The following KCNK10 variants were observed in gnomAD, a reference collection of about 807,000 sequenced individuals.
KCNK10 encodes the protein potassium two pore domain channel subfamily K member 10, also known as potassium channel subfamily K member 10.
A neutral mutation model predicts 47.7 loss-of-function variants in KCNK10; 25 were observed. That is an observed-to-expected ratio of 0.52 (90% confidence interval 0.38 to 0.73). The LOEUF (loss-of-function observed/expected upper bound fraction) is 0.73, where lower values mean the gene tolerates loss of function less well. Among genes scored for constraint, KCNK10 ranks in the 30% least tolerant of loss-of-function variants. The pLI, the probability that KCNK10 is intolerant of heterozygous loss-of-function variation, is 0.00. For missense variants in KCNK10, 563 were observed against 714.5 expected, an observed-to-expected ratio of 0.79 and a Z score of 2.42; for synonymous variants, 303 against 285.6, an observed-to-expected ratio of 1.06 and a Z score of -0.61.
At chr14:88,199,353 C>G (rs532979743) in intron 4 of KCNK10, among the ~76,000 whole-genome samples, 4 of 152,230 alleles carry the variant, frequency 2.6e-5, no homozygotes, top group African/African-American at 9.6e-5. Context: ...TGAATGTTCA[C>G]CCGGAAGGAA....
intron 1 of KCNK10, among the ~76,000 whole-genome samples, chr14:88,276,417 G>T (rs139455144): frequency 2.6e-5 from 4 of 152,146 alleles, no homozygotes; most frequent in African/African-American, 7.2e-5. Context: ...AATTTCTGTT[G>T]TGCAAAAGCT....
At position 88,322,736 on chromosome 14, in the gene KCNK10, G is replaced by A; in HGVS notation, c.52+11C>T. ...GCAGGGCGAGGGCAGCCAAAAGTAG[G>A]AAACACCCACCTTTAGGATCCCAGT... On this transcript the variant is annotated intron_variant, in intron 1 of 6. Coordinates refer to ENST00000319231, the MANE Select transcript of KCNK10 (RefSeq NM_138317.3). This position sits in a 1 kb window ranked among gnomAD's most constrained non-coding sequence, Gnocchi z 4.8. 1 of 1,614,064 alleles carries A rather than the reference G, an allele frequency of 6.2e-7. No individual in the cohort carries two copies. Among genetic ancestry groups the A allele is most frequent in the Non-Finnish European group, 8.5e-7 (1 of 1,180,006 alleles).
intron 1 of KCNK10, among the ~76,000 whole-genome samples, chr14:88,282,918 A>G (rs183577462): frequency 2.6e-5 from 4 of 152,354 alleles, no homozygotes; most frequent in Admixed American, 2.6e-4. Flanking sequence ...TCACAGTCGC[A>G]TAGTGCACAA....
chr14:88,317,568 C>T (rs904635989), intron 1 of KCNK10, among the ~76,000 whole-genome samples: 3 of 152,170 alleles, frequency 2.0e-5, no homozygotes, highest in Admixed American at 2.0e-4. Context: ...TGAACAAAGT[C>T]GCTGGGAGGA....
intron 4 of KCNK10, among the ~76,000 whole-genome samples, chr14:88,219,257 G>A (rs900704280): frequency 2.6e-5 from 4 of 152,152 alleles, no homozygotes; most frequent in Non-Finnish European, 5.9e-5. Context: ...ATACCAGTGC[G>A]CAACAATTTT....
intron 1 of KCNK10, among the ~76,000 whole-genome samples, chr14:88,315,928 G>A (rs1443762282): frequency 6.6e-6 from 1 of 152,098 alleles, no homozygotes; most frequent in Non-Finnish European, 1.5e-5. Context: ...AGGAATGAAG[G>A]AAAAGTTCCC....
intron 1 of KCNK10, among the ~76,000 whole-genome samples, chr14:88,272,076 C>CCCT (rs146245436): frequency 1.3e-5 from 2 of 152,252 alleles, no homozygotes; most frequent in Admixed American, 6.5e-5. Flanking sequence ...GATGGCCCCA[C>CCCT]CCTCCACAGG....
chr14:88,249,936 T>C (rs1469771432), intron 2 of KCNK10, among the ~76,000 whole-genome samples: 1 of 152,124 alleles, frequency 6.6e-6, no homozygotes, highest in Admixed American at 6.5e-5. Flanking sequence ...ATTAGTTATA[T>C]AAATGAATAC....
chr14:88,200,592 C>A (rs990962996), intron 4 of KCNK10, among the ~76,000 whole-genome samples: 1 of 152,280 alleles, frequency 6.6e-6, no homozygotes, highest in Admixed American at 6.5e-5. Context: ...CAGAAATAAA[C>A]CCTACACTGG....
intron 1 of KCNK10, among the ~76,000 whole-genome samples, chr14:88,316,298 T>G (rs1888429189): frequency 1.3e-5 from 2 of 152,024 alleles, no homozygotes; most frequent in South Asian, 4.1e-4. Context: ...TTCAGAGTAC[T>G]CAGTCCTAGA....
At chr14:88,250,757 G>A (rs1886770715) in intron 2 of KCNK10, among the ~76,000 whole-genome samples, 1 of 152,182 alleles carries the variant, frequency 6.6e-6, no homozygotes, top group Non-Finnish European at 1.5e-5. Context: ...TGGGTGTGGT[G>A]GCACACCCCT....
At chr14:88,274,475 T>C (rs1887480990) in intron 1 of KCNK10, among the ~76,000 whole-genome samples, 1 of 141,454 alleles carries the variant, frequency 7.1e-6, no homozygotes, top group Non-Finnish European at 1.5e-5. Flanking sequence ...GCAGGAGAAT[T>C]GGGAGGAGGA....
intron 1 of KCNK10, among the ~76,000 whole-genome samples, chr14:88,279,398 T>TGTGTGG (rs1297289686): frequency 2.0e-5 from 3 of 151,388 alleles, no homozygotes; most frequent in Non-Finnish European, 4.4e-5. Flanking sequence ...TGTGTGTGTG[T>TGTGTGG]GTGTGTGTGT....
chr14:88,295,568 G>A lies in KCNK10; in HGVS notation c.52+27179C>T, dbSNP rs1202172486. Among the ~76,000 whole-genome samples the A allele has an allele frequency of 2.0e-5, 3 of 152,144 alleles. No homozygotes were observed. The South Asian group carries it at 6.2e-4, about 32-fold the overall frequency. ...CCAGCTACTCGGGAGGCTGAGGCAG[G>A]AGAATTGCTTGAACCAGGGAGGCAG... is the stretch of plus-strand genomic sequence containing the variant. On this transcript the variant is annotated intron_variant, in intron 1 of 6. Coordinates refer to ENST00000319231, the MANE Select transcript of KCNK10 (RefSeq NM_138317.3).
chr14:88,218,838 C>G (rs4904435), intron 4 of KCNK10, among the ~76,000 whole-genome samples: 32,060 of 152,128 alleles, frequency 0.21, 4,383 homozygotes, highest in Non-Finnish European at 0.3. Context: ...CAATGTCAGC[C>G]CTCCTTCATC....
chr14:88,260,051 T>C lies in KCNK10; in HGVS notation c.402+3151A>G, dbSNP rs1887066621. ...TCTGCCTCCCAGGTTCAAGCAATTC[T>C]TCTGCCTCAGCCTCCCTAGTAGCTG... is the stretch of plus-strand genomic sequence containing the variant. On this transcript the variant is annotated intron_variant, in intron 2 of 6. Transcript: ENST00000319231. The surrounding 1 kb of genome is among the most constrained non-coding windows in gnomAD (Gnocchi z 4.5). 6.6e-6 allele frequency among the ~76,000 whole-genome samples: 1 copy of C among 152,162 alleles called. No individual in the cohort carries two copies. Among genetic ancestry groups the C allele is most frequent in the Admixed American group, 6.5e-5 (1 of 15,274 alleles).
rs1314551695 is a variant in KCNK10, at chr14:88,184,240, G to A, written c.*1295C>T. ...TGCCTGGGAACAATCAGTCTAGGGT[G>A]TTCCAGTTTTAGTGAGTAACCGATG... On this transcript the variant is annotated 3_prime_UTR_variant, in exon 7 of 7. Coordinates refer to ENST00000319231, the MANE Select transcript of KCNK10 (RefSeq NM_138317.3). The A allele has an allele frequency of 6.6e-6, 1 of 152,326 alleles. No homozygotes were observed. Among genetic ancestry groups the A allele is most frequent in the Non-Finnish European group, 1.5e-5 (1 of 68,038 alleles). The allele number at this position is 152,326 out of a possible 1,614,324, so 9.4% of individuals were successfully genotyped here. A position where few individuals can be genotyped will look rare whatever the true frequency, so the allele number is the denominator to read the frequency against.
rs1244722253 is a variant in KCNK10 at position 88,263,242 on chromosome 14, T to C, written c.362A>G (p.His121Arg). The change falls in exon 2 of 7, where the codon CAT (histidine) becomes CGT (arginine). Residue 121 changes from histidine (H) to arginine (R), a missense_variant. Physicochemically the swap from His to Arg is conservative, Grantham distance 29. Coordinates refer to ENST00000319231, the MANE Select transcript of KCNK10 (RefSeq NM_138317.3). ...CAGCTCCTGGGGGCTCACACAGACATGATCCCGCAGGAATTCCGCCTTCTC... is the reference window on the plus strand; with the variant it reads ...CAGCTCCTGGGGGCTCACACAGACACGATCCCGCAGGAATTCCGCCTTCTC... ...ALEKAEFLRD[H>R]VCVSPQELET... is the part of the protein sequence containing the mutation. The C allele has an allele frequency of 2.1e-5, 34 of 1,614,062 alleles. No homozygotes were observed. The highest frequency in any genetic ancestry group is 2.7e-5 in the Non-Finnish European group (32 of 1,180,026).
chr14:88,191,602 A>AT lies in KCNK10; in HGVS notation c.868+621dup, dbSNP rs34350717. Among the ~76,000 whole-genome samples the AT allele has an allele frequency of 1.7e-4, 26 of 151,290 alleles. No individual in the cohort carries two copies. The South Asian group carries it at 1.9e-3, about 11-fold the overall frequency. On this transcript the variant is annotated intron_variant, in intron 5 of 6. Coordinates refer to ENST00000319231, the MANE Select transcript of KCNK10 (RefSeq NM_138317.3). ...TCCCTGGCCCTAGATGAAATTGATG[A>AT]TTTTTTTTTCACTTCCTTAAACATA...
Sources: gnomAD v4.1 joint callset for allele counts (sites outside exome capture counted in the v4.1 genomes callset) on GRCh38, gnomAD v4.1.1 for gene constraint, Gnocchi (gnomAD v3.1) non-coding constraint, MANE v1.5 for transcripts, NCBI Gene and HGNC (gene_info 2026-07-23, HGNC 2026-07-21) for gene names.